The following RIMBP2 variants were observed in gnomAD, a reference collection of about 807,000 sequenced individuals.
RIMBP2 encodes the protein RIMS-binding protein 2.
Under a neutral mutation model 118.6 loss-of-function variants are expected in RIMBP2, and 48 were observed. The observed-to-expected ratio is 0.40, with a 90% confidence interval of 0.32 to 0.51. The LOEUF is 0.51. RIMBP2 is among the 20% of genes least tolerant of loss of function. The pLI is 0.41. For synonymous variants in RIMBP2, 762 were observed against 742.9 expected (o/e 1.03, Z -0.42); for missense variants, 1,551 against 1,768.3 (o/e 0.88, Z 2.20).
intron 21 of RIMBP2, among the ~76,000 whole-genome samples, chr12:130,405,184 C>T (rs2075041218): frequency 6.6e-6 from 1 of 151,988 alleles, no homozygotes; most frequent in African/African-American, 2.4e-5. Flanking sequence ...TAATAAACAA[C>T]AAAAATGGAG....
At chr12:130,609,660 C>T (rs576656141) in intron 2 of RIMBP2, among the ~76,000 whole-genome samples, 3 of 131,294 alleles carry the variant, frequency 2.3e-5, no homozygotes, top group Admixed American at 1.4e-4. Context: ...CATGATCTGC[C>T]GTCTGGAGAG....
At chr12:130,558,471 C>T (rs953324177) in intron 2 of RIMBP2, among the ~76,000 whole-genome samples, 1 of 152,126 alleles carries the variant, frequency 6.6e-6, no homozygotes, top group Non-Finnish European at 1.5e-5. Flanking sequence ...GTGATGGTGA[C>T]AGACAGAAAT....
intron 2 of RIMBP2, among the ~76,000 whole-genome samples, chr12:130,609,318 G>C (rs1376963880): frequency 6.6e-6 from 1 of 152,104 alleles, no homozygotes; most frequent in Non-Finnish European, 1.5e-5. Flanking sequence ...CGGATGAATG[G>C]ATCAAGAAAA....
chr12:130,615,604 G>A (rs1179742921), intron 2 of RIMBP2, among the ~76,000 whole-genome samples: 1 of 151,972 alleles, frequency 6.6e-6, no homozygotes, highest in Non-Finnish European at 1.5e-5. Flanking sequence ...GAGCCACTGG[G>A]CCTAGCCTAG....
chr12:130,649,600 A>C (rs2063140485), intron 1 of RIMBP2, among the ~76,000 whole-genome samples: 1 of 152,168 alleles, frequency 6.6e-6, no homozygotes, highest in Admixed American at 6.5e-5. Flanking sequence ...TCTTCCTTGG[A>C]GAGACAGCGC....
At chr12:130,608,113 C>T (rs1017018444) in intron 2 of RIMBP2, among the ~76,000 whole-genome samples, 4 of 152,214 alleles carry the variant, frequency 2.6e-5, no homozygotes, top group Non-Finnish European at 4.4e-5. Context: ...CCATGTCTGA[C>T]CTCCCAGCCC....
intron 1 of RIMBP2, among the ~76,000 whole-genome samples, chr12:130,676,220 G>T: frequency 6.6e-6 from 1 of 151,082 alleles, no homozygotes; most frequent in East Asian, 2.0e-4. Context: ...ACACACATGT[G>T]TTCACACAAA....
At chr12:130,707,097 A>G (rs1386789890) in intron 1 of RIMBP2, among the ~76,000 whole-genome samples, 1 of 152,186 alleles carries the variant, frequency 6.6e-6, no homozygotes, top group Non-Finnish European at 1.5e-5. Flanking sequence ...CGGGCGTGAG[A>G]GCTGAAGCAG....
chr12:130,464,614 C>T (rs1316231773), intron 6 of RIMBP2, among the ~76,000 whole-genome samples: 1 of 152,220 alleles, frequency 6.6e-6, no homozygotes, highest in African/African-American at 2.4e-5. Flanking sequence ...TCATGCATTG[C>T]TGCTGACTCA....
intron 2 of RIMBP2, among the ~76,000 whole-genome samples, chr12:130,522,709 G>A (rs971599691): frequency 2.0e-5 from 3 of 152,166 alleles, no homozygotes; most frequent in African/African-American, 4.8e-5. Flanking sequence ...CTGTGCGCAG[G>A]GAGAGGAGGA....
At chr12:130,570,806 G>A (rs2057576971) in intron 2 of RIMBP2, among the ~76,000 whole-genome samples, 1 of 152,228 alleles carries the variant, frequency 6.6e-6, no homozygotes, top group Admixed American at 6.5e-5. Context: ...ACATGATGAT[G>A]ACTGGGAATA....
At chr12:130,406,106 CAA>C (rs2136354999) in intron 21 of RIMBP2, 64 bp downstream of exon 21, 1 of 1,092,408 alleles carries the variant, frequency 9.2e-7, no homozygotes, top group East Asian at 2.4e-5. Flanking sequence ...ACTAGCAAAA[CAA>C]AACACACAAA....
rs867570229 is a variant in RIMBP2, at chr12:130,646,389, C to G, written c.-351-17933G>C. 1.0e-3 allele frequency among the ~76,000 whole-genome samples: 125 copies of G among 121,870 alleles called. 31 individuals are homozygous for G. Among genetic ancestry groups the G allele is most frequent in the Admixed American group, 1.3e-3 (15 of 11,940 alleles). 80.0% of individuals were successfully genotyped at this position (121,870 alleles called of 152,430 possible). On this transcript the variant is annotated intron_variant, in intron 1 of 22. Coordinates refer to ENST00000690449, the MANE Select transcript of RIMBP2 (RefSeq NM_001393629.1). Reference sequence around the variant, plus strand: ...TCCCTCACCACCTCCCTCACCACCTCCCTCACCACCTGCCTCTCCACCTCC... The same window carrying G: ...TCCCTCACCACCTCCCTCACCACCTGCCTCACCACCTGCCTCTCCACCTCC...
chr12:130,479,861 C>G (rs2138115533), intron 4 of RIMBP2, among the ~76,000 whole-genome samples: 1 of 151,720 alleles, frequency 6.6e-6, no homozygotes, highest in Admixed American at 6.6e-5. Context: ...GTGCTTAATC[C>G]CCAGTGCTCA....
intron 21 of RIMBP2, among the ~76,000 whole-genome samples, chr12:130,400,488 A>G (rs1202421596): frequency 6.6e-6 from 1 of 152,152 alleles, no homozygotes; most frequent in Non-Finnish European, 1.5e-5. Flanking sequence ...CCTGCTGGTC[A>G]TCTGCACCAA....
intron 1 of RIMBP2, among the ~76,000 whole-genome samples, chr12:130,630,076 C>T (rs1449614393): frequency 1.3e-5 from 2 of 148,730 alleles, no homozygotes; most frequent in East Asian, 4.0e-4. Context: ...ACAAAAAGAA[C>T]TCTTGTGAAT....
chr12:130,686,549 G>A (rs1452758776), intron 1 of RIMBP2, among the ~76,000 whole-genome samples: 1 of 152,358 alleles, frequency 6.6e-6, no homozygotes, highest in South Asian at 2.1e-4. Context: ...TTAAATCACT[G>A]CTGAGATGAC....
At chr12:130,645,628 A>G (rs1287929964) in intron 1 of RIMBP2, among the ~76,000 whole-genome samples, 1 of 152,214 alleles carries the variant, frequency 6.6e-6, no homozygotes, top group East Asian at 1.9e-4. Flanking sequence ...GGTCAAAGCC[A>G]TTTTGTGGCT....
chr12:130,514,463 G>T (rs576045656), intron 3 of RIMBP2, among the ~76,000 whole-genome samples: 1 of 152,222 alleles, frequency 6.6e-6, no homozygotes, highest in African/African-American at 2.4e-5. Context: ...CACCTCCGCC[G>T]GCCCTTGCTG....
Sources: gnomAD v4.1 joint callset for allele counts (sites outside exome capture counted in the v4.1 genomes callset) on GRCh38, gnomAD v4.1.1 for gene constraint, MANE v1.5 for transcripts, NCBI Gene and HGNC (gene_info 2026-07-23, HGNC 2026-07-21) for gene names.